Variants in IL13RA1 observed in about 807,000 individuals in gnomAD.
The protein encoded by IL13RA1 is interleukin-13 receptor subunit alpha-1.
IL13RA1 carries 14 observed loss-of-function variants against 33.8 expected under a neutral mutation model. That is an observed-to-expected ratio of 0.41 (90% CI 0.27 to 0.65). The LOEUF (loss-of-function observed/expected upper bound fraction) is 0.65, where lower values mean the gene tolerates loss of function less well. IL13RA1 is among the 30% of genes least tolerant of loss of function. The pLI is 0.28. For synonymous variants in IL13RA1, 116 were observed against 115.7 expected (o/e 1.00, Z -0.02); for missense variants, 313 against 327.0 (o/e 0.96, Z 0.33).
At chrX:118,759,654 A>C (rs1426073820) in intron 5 of IL13RA1, among the ~76,000 whole-genome samples, 1 of 112,594 alleles carries the variant, frequency 8.9e-6, no homozygotes, top group Non-Finnish European at 1.9e-5. Context: ...TCCTTCTCAG[A>C]TAGAAGATGA....
intron 10 of IL13RA1, among the ~76,000 whole-genome samples, chrX:118,785,049 C>T (rs2017900887): frequency 9.1e-6 from 1 of 109,298 alleles, no homozygotes; most frequent in Non-Finnish European, 1.9e-5. Context: ...GTAAAAGTTT[C>T]TTCACTTACA....
At chrX:118,753,960 A>T (rs1345856867) in intron 4 of IL13RA1, among the ~76,000 whole-genome samples, 1 of 112,751 alleles carries the variant, frequency 8.9e-6, no homozygotes, top group Non-Finnish European at 1.9e-5. Context: ...AATTGAATCA[A>T]ATTAAAACTT....
At chrX:118,733,601 A>G (rs1053797977) in intron 1 of IL13RA1, among the ~76,000 whole-genome samples, 2 of 111,503 alleles carry the variant, frequency 1.8e-5, no homozygotes, top group Non-Finnish European at 3.8e-5. Flanking sequence ...GAATATTTTG[A>G]TGCACACGTT....
Position 118,793,239 on chromosome X carries a change from GC to G in IL13RA1, c.*1386del, listed in dbSNP as rs1357249035. The G allele has an allele frequency of 1.8e-5, 2 of 112,088 alleles. No individual in the cohort carries two copies. Among genetic ancestry groups the G allele is most frequent in the East Asian group, 5.6e-4 (2 of 3,587 alleles). The allele number at this position is 112,088 out of a possible 1,213,427, so 9.2% of individuals were successfully genotyped here. A position where few individuals can be genotyped will look rare whatever the true frequency, so the allele number is the denominator to read the frequency against. ...ATCTGAGAAACAATGACTAATTCTT[GC>G]ATATTTTGTAACTTCCATGTGAGGG... On this transcript the variant is annotated 3_prime_UTR_variant, in exon 11 of 11. Coordinates refer to ENST00000371666, the MANE Select transcript of IL13RA1 (RefSeq NM_001560.3).
intron 1 of IL13RA1, among the ~76,000 whole-genome samples, chrX:118,737,630 A>T (rs914799131): frequency 1.8e-5 from 2 of 112,639 alleles, no homozygotes; most frequent in Non-Finnish European, 3.7e-5. Context: ...AGGACACTTC[A>T]AAACAGATGG....
intron 5 of IL13RA1, among the ~76,000 whole-genome samples, chrX:118,760,026 G>T (rs1222106568): frequency 9.0e-6 from 1 of 111,367 alleles, no homozygotes; most frequent in Non-Finnish European, 1.9e-5. Context: ...ACCCACCTTG[G>T]CTCCCAAAGT....
chrX:118,752,193 C>T (rs993336413), intron 4 of IL13RA1, among the ~76,000 whole-genome samples: 3 of 110,929 alleles, frequency 2.7e-5, no homozygotes, highest in African/African-American at 9.9e-5. Context: ...GGTTAAAGTC[C>T]AAACTCTCCA....
At chrX:118,742,574 A>C (rs1017400705) in intron 2 of IL13RA1, among the ~76,000 whole-genome samples, 1 of 112,196 alleles carries the variant, frequency 8.9e-6, no homozygotes, top group South Asian at 3.7e-4. Flanking sequence ...AAATGGGGCT[A>C]TTTCCTCAGA....
In IL13RA1 at chrX:118,785,861, C is replaced by T. The variant is rs999928364; in HGVS notation, c.1192-5901C>T. 8.9e-5 allele frequency among the ~76,000 whole-genome samples: 10 copies of T among 112,077 alleles called. No individual in the cohort carries two copies. In the East Asian group the frequency reaches 2.2e-3, roughly 25 times the overall value. On this transcript the variant is annotated intron_variant, in intron 10 of 10. Coordinates refer to ENST00000371666, the MANE Select transcript of IL13RA1 (RefSeq NM_001560.3). ...CTGGGATTACAAGCATGAGCCACTG[C>T]GCCCAGCCTTCTTTTACTTTTAATT...
At chrX:118,783,671 G>A (rs765650761) in intron 10 of IL13RA1, among the ~76,000 whole-genome samples, 3 of 110,119 alleles carry the variant, frequency 2.7e-5, no homozygotes, top group Non-Finnish European at 3.8e-5. Flanking sequence ...ACAGCCAAGT[G>A]TTGGTCTAAT....
intron 9 of IL13RA1, among the ~76,000 whole-genome samples, chrX:118,774,879 T>C (rs1381708263): frequency 1.8e-5 from 2 of 111,528 alleles, no homozygotes; most frequent in Non-Finnish European, 3.8e-5. Flanking sequence ...ATTCAACATA[T>C]ATATATACTC....
intron 1 of IL13RA1, among the ~76,000 whole-genome samples, chrX:118,735,802 C>T (rs2017275676): frequency 8.9e-6 from 1 of 111,964 alleles, no homozygotes; most frequent in Non-Finnish European, 1.9e-5. Flanking sequence ...CCTGCCTTGG[C>T]CTCCCAAAGT....
chrX:118,766,628 G>T, intron 7 of IL13RA1, 51 bp downstream of exon 7: 1 of 699,930 alleles, frequency 1.4e-6, no homozygotes, highest in Non-Finnish European at 2.3e-6. Flanking sequence ...AGCAGTTGGG[G>T]GTGGAGCATA....
chrX:118,778,834 A>G (rs1235624093), intron 10 of IL13RA1, among the ~76,000 whole-genome samples: 1 of 112,166 alleles, frequency 8.9e-6, no homozygotes, highest in African/African-American at 3.2e-5. Flanking sequence ...CCTATGGAGA[A>G]GATGCTGTTG....
chrX:118,735,295 C>T lies in IL13RA1; in HGVS notation c.89-5722C>T, dbSNP rs764657112. On this transcript the variant is annotated intron_variant, in intron 1 of 10. Transcript: ENST00000371666. ...AGTTTCATTGATTTTCTCTATTTTTCTATTCCCTTTTTCTTTTATCTCTGG... is the reference window on the plus strand; with the variant it reads ...AGTTTCATTGATTTTCTCTATTTTTTTATTCCCTTTTTCTTTTATCTCTGG... Among the ~76,000 whole-genome samples the T allele has an allele frequency of 4.5e-5, 5 of 110,401 alleles. No homozygotes were observed. In the South Asian group the frequency reaches 1.1e-3, roughly 25 times the overall value.
At chrX:118,764,871 T>C (rs1341535855) in intron 6 of IL13RA1, among the ~76,000 whole-genome samples, 1 of 111,599 alleles carries the variant, frequency 9.0e-6, no homozygotes, top group African/African-American at 3.3e-5. Context: ...CCCTGTCTCT[T>C]TTTAAAAAGT....
Position 118,793,370 on chromosome X carries a change from CTCTT to C in IL13RA1, c.*1522_*1525del, listed in dbSNP as rs1224433005. The C allele has an allele frequency of 1.8e-5, 2 of 112,330 alleles. No individual in the cohort carries two copies. Among genetic ancestry groups the C allele is most frequent in the Non-Finnish European group, 3.8e-5 (2 of 53,251 alleles). The allele number at this position is 112,330 out of a possible 1,213,427, so 9.3% of individuals were successfully genotyped here. A position where few individuals can be genotyped will look rare whatever the true frequency, so the allele number is the denominator to read the frequency against. Reference sequence around the variant, plus strand: ...AAAAAAAGAATAGTTGAACCTATTTCTCTTTCTTTACAAGATGGGTCCAGGATTC... The same window carrying C: ...AAAAAAAGAATAGTTGAACCTATTTCTCTTTACAAGATGGGTCCAGGATTC... On this transcript the variant is annotated 3_prime_UTR_variant, in exon 11 of 11. Transcript: ENST00000371666.
At position 118,746,941 on chromosome X, in the gene IL13RA1, T is replaced by C. The variant is rs752369968; in HGVS notation, c.229-13T>C. On this transcript the variant is annotated splice_polypyrimidine_tract_variant and intron_variant, in intron 2 of 10. Transcript: ENST00000371666. ...TAGCTGAAGCAATGCCTTTTTCAAT[T>C]TTCTAACCTTAGAAAATAGCTCCGG... is the stretch of plus-strand genomic sequence containing the variant. 4.3e-6 allele frequency: 5 copies of C among 1,175,430 alleles called. No individual in the cohort carries two copies. The South Asian group carries it at 9.1e-5, about 21-fold the overall frequency.
chrX:118,781,055 A>G (rs1027475217), intron 10 of IL13RA1, among the ~76,000 whole-genome samples: 1 of 111,288 alleles, frequency 9.0e-6, no homozygotes. Flanking sequence ...TACTATAGTA[A>G]TGTTTTGGCC....
Sources: allele counts gnomAD v4.1 joint callset (sites outside exome capture counted in the v4.1 genomes callset), GRCh38; gene constraint gnomAD v4.1.1; transcripts MANE v1.5; gene names NCBI Gene and HGNC (gene_info 2026-07-23, HGNC 2026-07-21).